DST: variants seen among roughly 807,000 people sequenced by gnomAD.
DST encodes bullous pemphigoid antigen.
Under a neutral mutation model 875.2 loss-of-function variants are expected in DST, and 253 were observed. The observed-to-expected ratio is 0.29, with a 90% CI of 0.26 to 0.32. The LOEUF (loss-of-function observed/expected upper bound fraction) is 0.32. DST is among the 10% of genes least tolerant of loss of function. The pLI is 1.00. For missense variants in DST, 8,287 were observed against 9,111.6 expected, an observed-to-expected ratio of 0.91 and a Z score of 3.68; for synonymous variants, 3,124 against 3,197.1, an observed-to-expected ratio of 0.98 and a Z score of 0.77.
At chr6:56,912,819 C>T (rs188743112) in intron 2 of DST, among the ~76,000 whole-genome samples, 138 of 152,296 alleles carry the variant, frequency 9.1e-4, no homozygotes, top group Non-Finnish European at 1.5e-3. Flanking sequence ...AAATGGCACA[C>T]ATCATTTCTT....
At chr6:56,802,916 A>G (rs549961245) in intron 4 of DST, among the ~76,000 whole-genome samples, 1 of 152,352 alleles carries the variant, frequency 6.6e-6, no homozygotes, top group Non-Finnish European at 1.5e-5. Context: ...AAGGGAAATC[A>G]TTATACTTTA....
chr6:56,790,931 T>C (rs1160554107), intron 4 of DST, among the ~76,000 whole-genome samples: 1 of 152,112 alleles, frequency 6.6e-6, no homozygotes, highest in South Asian at 2.1e-4. Flanking sequence ...CCAACAGAAA[T>C]GCTACTTAGA....
At chr6:56,813,951 A>G (rs1409844936) in intron 4 of DST, among the ~76,000 whole-genome samples, 1 of 152,162 alleles carries the variant, frequency 6.6e-6, no homozygotes, top group Admixed American at 6.5e-5. Flanking sequence ...TATTTTAAGC[A>G]TGAGGAAAAA....
At chr6:56,635,541 C>A in intron 24 of DST, 48 bp downstream of exon 24, 1 of 1,592,048 alleles carries the variant, frequency 6.3e-7, no homozygotes, top group Admixed American at 1.7e-5. Context: ...AAACACTAAT[C>A]TAATCACTTA....
intron 9 of DST, among the ~76,000 whole-genome samples, chr6:56,677,650 AG>A (rs893218404): frequency 1.3e-5 from 2 of 152,172 alleles, no homozygotes; most frequent in Non-Finnish European, 2.9e-5. Context: ...TGCTTCCTAA[AG>A]CTTTTCACCA....
chr6:56,830,579 T>A (rs2099785810), intron 4 of DST, among the ~76,000 whole-genome samples: 1 of 152,184 alleles, frequency 6.6e-6, no homozygotes, highest in African/African-American at 2.4e-5. Flanking sequence ...ACAGGATAGT[T>A]TTTCTGTCTA....
rs754487644 is a variant in DST, at chr6:56,464,726, G to A, written c.22718C>T (p.Ser7573Leu). Residue 7573 changes from serine to leucine, a missense_variant, in exon 100 of 104, where the codon TCG becomes TTG. Physicochemically the swap from Ser to Leu is moderately radical, Grantham distance 145. Around this residue, in one of 10 missense-constraint regions of DST, gnomAD observed 64 missense variants for 86.2 expected, o/e 0.74. Coordinates refer to ENST00000680361, the MANE Select transcript of DST (RefSeq NM_001374736.1). ...AGTAGTAATTGAAGAGTTTGATTCCGAACGTAACATTTTACTCCCATGATG... is the reference window on the plus strand; with the variant it reads ...AGTAGTAATTGAAGAGTTTGATTCCAAACGTAACATTTTACTCCCATGATG... Reference protein sequence around the residue: ...VHHHGSKMLRSESNSSITTTQ... With the variant: ...VHHHGSKMLRLESNSSITTTQ... 11 of 1,599,454 alleles carry A rather than the reference G, an allele frequency of 6.9e-6. No individual in the cohort carries two copies. Among genetic ancestry groups the A allele is most frequent in the Non-Finnish European group, 8.5e-6 (10 of 1,173,122 alleles).
intron 4 of DST, among the ~76,000 whole-genome samples, chr6:56,767,576 G>A (rs913836540): frequency 4.6e-5 from 7 of 151,934 alleles, no homozygotes; most frequent in South Asian, 4.2e-4. Flanking sequence ...GGTATCGCAC[G>A]ACTGTACTTG....
intron 4 of DST, among the ~76,000 whole-genome samples, chr6:56,781,690 C>T (rs1371324371): frequency 1.3e-5 from 2 of 152,100 alleles, no homozygotes; most frequent in Non-Finnish European, 2.9e-5. Context: ...TGACTTCCTC[C>T]TTTCCTAATT....
At chr6:56,617,265 G>A (rs1223610194) in intron 36 of DST, 1 of 1,612,640 alleles carries the variant, frequency 6.2e-7, no homozygotes, top group Admixed American at 1.7e-5. Flanking sequence ...AAGGTCTCTG[G>A]TTCTAAGCCC....
At chr6:56,562,989 T>C (rs2097565686) in intron 55 of DST, among the ~76,000 whole-genome samples, 1 of 152,206 alleles carries the variant, frequency 6.6e-6, no homozygotes, top group African/African-American at 2.4e-5. Context: ...AGTCTATCAT[T>C]GATGGGCATT....
At chr6:56,576,889 T>A (rs1017910967) in intron 50 of DST, among the ~76,000 whole-genome samples, 4 of 152,174 alleles carry the variant, frequency 2.6e-5, no homozygotes, top group Non-Finnish European at 4.4e-5. Flanking sequence ...GAAATAAATG[T>A]ATGTTGTTTA....
At chr6:56,728,314 A>G (rs982834176) in intron 5 of DST, among the ~76,000 whole-genome samples, 1 of 152,162 alleles carries the variant, frequency 6.6e-6, no homozygotes, top group Admixed American at 6.5e-5. Context: ...CTATTAATCC[A>G]TTTTTCCATT....
At chr6:56,809,901 A>G (rs1193018613) in intron 4 of DST, among the ~76,000 whole-genome samples, 2 of 152,236 alleles carry the variant, frequency 1.3e-5, no homozygotes, top group East Asian at 1.9e-4. Context: ...AATTTTAAAT[A>G]TAGCATTTTT....
At chr6:56,633,711 G>A (rs1396745798) in intron 27 of DST, among the ~76,000 whole-genome samples, 1 of 150,112 alleles carries the variant, frequency 6.7e-6, no homozygotes, top group Non-Finnish European at 1.5e-5. Flanking sequence ...CGTTGGTCAG[G>A]CTGGTCTCGA....
chr6:56,814,528 AC>A (rs748676050), intron 4 of DST, among the ~76,000 whole-genome samples: 1 of 152,204 alleles, frequency 6.6e-6, no homozygotes, highest in Non-Finnish European at 1.5e-5. Context: ...TCTATGACAG[AC>A]CAAAGAAAAC....
chr6:56,511,820 GAAGA>G (rs2096482831), intron 72 of DST, among the ~76,000 whole-genome samples: 1 of 151,408 alleles, frequency 6.6e-6, no homozygotes, highest in African/African-American at 2.4e-5. Context: ...TACAAAAATA[GAAGA>G]AAGAAAAAGA....
At chr6:56,468,166 AAAT>A (rs1450722650) in intron 98 of DST, among the ~76,000 whole-genome samples, 11 of 72,786 alleles carry the variant, frequency 1.5e-4, no homozygotes, top group African/African-American at 7.9e-4. Flanking sequence ...AAGTAAAATA[AAAT>A]AAAATAAAAT....
intron 4 of DST, among the ~76,000 whole-genome samples, chr6:56,771,008 A>G (rs1252099472): frequency 1.3e-5 from 2 of 152,030 alleles, no homozygotes; most frequent in Non-Finnish European, 1.5e-5. Flanking sequence ...TCAAAAAAAA[A>G]AAAAAAGAAA....
Sources: allele counts gnomAD v4.1 joint callset (sites outside exome capture counted in the v4.1 genomes callset), GRCh38; gene constraint gnomAD v4.1.1; regional missense constraint gnomAD v4.1.1; transcripts MANE v1.5; gene names NCBI Gene and HGNC (gene_info 2026-07-23, HGNC 2026-07-21).